PSD3: variants seen among roughly 807,000 people sequenced by gnomAD.
PSD3 encodes the protein pleckstrin and Sec7 domain containing 3, also known as PH and SEC7 domain-containing protein 3.
A neutral mutation model predicts 105.5 loss-of-function variants in PSD3; 49 were observed. The ratio of observed to expected loss-of-function variants is 0.46; its 90% CI spans 0.37 to 0.59. PSD3 has a LOEUF of 0.59. Among genes scored for constraint, PSD3 ranks in the 20% least tolerant of loss-of-function variants. The pLI is 0.00. For synonymous variants in PSD3, 557 were observed against 457.8 expected, an observed-to-expected ratio of 1.22 and a Z score of -2.77; for missense variants, 1,561 against 1,263.8, an observed-to-expected ratio of 1.24 and a Z score of -3.57.
At chr8:19,041,657 A>G (rs1445649159) in intron 1 of PSD3, among the ~76,000 whole-genome samples, 1 of 152,236 alleles carries the variant, frequency 6.6e-6, no homozygotes, top group Non-Finnish European at 1.5e-5. Flanking sequence ...GTAAGTCAAT[A>G]TGTATCAGGT....
intron 14 of PSD3, 125 bp downstream of exon 14, chr8:18,572,403 C>A (rs137909674): frequency 8.7e-7 from 1 of 1,151,680 alleles, no homozygotes; most frequent in African/African-American, 1.5e-5. Context: ...TTATATGATA[C>A]GCTCTCACAG....
intron 4 of PSD3, among the ~76,000 whole-genome samples, chr8:18,844,430 T>C (rs1354916344): frequency 1.3e-5 from 2 of 152,184 alleles, no homozygotes; most frequent in African/African-American, 4.8e-5. Flanking sequence ...ACCTTTCCTC[T>C]TTTTAGTTCA....
chr8:18,743,058 T>A (rs1307353528), intron 9 of PSD3, among the ~76,000 whole-genome samples: 2 of 152,230 alleles, frequency 1.3e-5, no homozygotes. Context: ...TGGTTTTACT[T>A]AATAAATATT....
At chr8:18,648,155 C>A (rs1368908513) in intron 10 of PSD3, among the ~76,000 whole-genome samples, 1 of 152,100 alleles carries the variant, frequency 6.6e-6, no homozygotes, top group Non-Finnish European at 1.5e-5. Context: ...AATGTAGCAG[C>A]AACTTTGGGA....
At chr8:18,708,973 C>G (rs1475280205) in intron 9 of PSD3, among the ~76,000 whole-genome samples, 1 of 152,186 alleles carries the variant, frequency 6.6e-6, no homozygotes, top group East Asian at 1.9e-4. Flanking sequence ...TCTATGCAAC[C>G]TGCGGATCAG....
At chr8:19,069,843 ACAACAAAT>A (rs1243822677) in intron 1 of PSD3, among the ~76,000 whole-genome samples, 2 of 152,204 alleles carry the variant, frequency 1.3e-5, no homozygotes, top group African/African-American at 4.8e-5. Flanking sequence ...TTTCAGATAA[ACAACAAAT>A]CATTTGTGAG....
chr8:18,924,505 G>C (rs1821238862), intron 2 of PSD3: 1 of 152,152 alleles, frequency 6.6e-6, no homozygotes, highest in Non-Finnish European at 1.5e-5. Context: ...GTGAAAACAA[G>C]AAAATAAATC....
At chr8:19,069,949 CT>C (rs5889849) in intron 1 of PSD3, among the ~76,000 whole-genome samples, 60,406 of 138,696 alleles carry the variant, frequency 0.44, 12,895 homozygotes, top group East Asian at 0.62. Flanking sequence ...TTTCTTTTTT[CT>C]TTTTTTTTTT....
intron 9 of PSD3, among the ~76,000 whole-genome samples, chr8:18,750,837 C>A (rs969195213): frequency 3.9e-5 from 6 of 152,044 alleles, no homozygotes; most frequent in African/African-American, 1.4e-4. Context: ...ACTCACAAAC[C>A]CTGAGCTAGA....
intron 15 of PSD3, among the ~76,000 whole-genome samples, chr8:18,552,964 T>C (rs1481375560): frequency 6.6e-6 from 1 of 152,168 alleles, no homozygotes; most frequent in Non-Finnish European, 1.5e-5. Context: ...TTTTAAACCC[T>C]GTATTTACCA....
At chr8:18,782,527 A>G (rs1214091377) in intron 8 of PSD3, among the ~76,000 whole-genome samples, 1 of 152,204 alleles carries the variant, frequency 6.6e-6, no homozygotes, top group Admixed American at 6.5e-5. Flanking sequence ...TGAAAGGGAC[A>G]TCAGGCAGGC....
intron 4 of PSD3, among the ~76,000 whole-genome samples, chr8:18,807,921 C>T (rs1334266783): frequency 8.5e-5 from 13 of 152,240 alleles, no homozygotes; most frequent in East Asian, 3.9e-4. Context: ...CTGGACAACA[C>T]GGTGAGACCC....
intron 8 of PSD3, among the ~76,000 whole-genome samples, chr8:18,796,140 A>AT (rs1346292163): frequency 1.3e-5 from 2 of 149,622 alleles, no homozygotes; most frequent in African/African-American, 4.8e-5. Flanking sequence ...TATCAGTCAC[A>AT]TTTTTTTAAA....
intron 12 of PSD3, among the ~76,000 whole-genome samples, chr8:18,594,957 T>C (rs1474460825): frequency 6.6e-6 from 1 of 152,096 alleles, no homozygotes; most frequent in African/African-American, 2.4e-5. Context: ...TGATATGCAG[T>C]GCTGAGCATA....
At chr8:19,071,056 T>G (rs1477101807) in intron 1 of PSD3, among the ~76,000 whole-genome samples, 1 of 152,020 alleles carries the variant, frequency 6.6e-6, no homozygotes, top group Admixed American at 6.6e-5. Context: ...TCTCTTTCTT[T>G]TTTTTTTGGA....
At chr8:18,980,465 T>C (rs536200000) in intron 1 of PSD3, among the ~76,000 whole-genome samples, 1 of 152,160 alleles carries the variant, frequency 6.6e-6, no homozygotes, top group Non-Finnish European at 1.5e-5. Flanking sequence ...CGTTGGTTGG[T>C]TGGTTGGTTG....
chr8:19,003,720 T>C (rs1826519652), intron 1 of PSD3, among the ~76,000 whole-genome samples: 1 of 150,934 alleles, frequency 6.6e-6, no homozygotes, highest in Non-Finnish European at 1.5e-5. Context: ...TAAATTTTTA[T>C]GACACATCTC....
chr8:18,861,611 G>C (rs1306775186), intron 4 of PSD3, among the ~76,000 whole-genome samples: 10 of 152,114 alleles, frequency 6.6e-5, no homozygotes, highest in Admixed American at 5.9e-4. Flanking sequence ...ACCCATGCTT[G>C]AACTCTCACA....
intron 1 of PSD3, among the ~76,000 whole-genome samples, chr8:19,036,598 G>C (rs778920576): frequency 6.6e-6 from 1 of 152,196 alleles, no homozygotes; most frequent in Non-Finnish European, 1.5e-5. Flanking sequence ...GAGTGCTGCA[G>C]ATGGAGTGAA....
Sources: gnomAD v4.1 joint callset for allele counts (sites outside exome capture counted in the v4.1 genomes callset) on GRCh38, gnomAD v4.1.1 for gene constraint, MANE v1.5 for transcripts, NCBI Gene and HGNC (gene_info 2026-07-23, HGNC 2026-07-21) for gene names.